The following ABR variants were observed in gnomAD, a reference collection of about 807,000 sequenced individuals.
ABR encodes active breakpoint cluster region-related protein.
In ABR, 35 loss-of-function variants were observed where a neutral mutation model predicts 107.2. The observed-to-expected ratio is 0.33, with a 90% CI of 0.25 to 0.43. ABR has a LOEUF of 0.43. Ranked by LOEUF, ABR falls within the 20% of genes least tolerant of loss-of-function variation. The pLI is 1.00. For missense variants in ABR, 815 were observed against 1,115.2 expected (o/e 0.73, Z 3.83); for synonymous variants, 498 against 462.0 (o/e 1.08, Z -1.00).
chr17:1,083,720 CCCT>C, intron 4 of ABR, 93 bp from the exon 5 acceptor site: 2 of 1,052,302 alleles, frequency 1.9e-6, no homozygotes, highest in Non-Finnish European at 2.9e-6. Context: ...CCGGGAGCTC[CCCT>C]GCACTGAAAA....
chr17:1,132,806 C>T (rs1017697376), intron 1 of ABR, among the ~76,000 whole-genome samples: 2 of 152,200 alleles, frequency 1.3e-5, no homozygotes, highest in Admixed American at 1.3e-4. Flanking sequence ...ATGTTAACCT[C>T]ATTTGTAATG....
intron 20 of ABR, chr17:1,009,995 A>G: frequency 1.7e-6 from 1 of 600,578 alleles, no homozygotes; most frequent in Non-Finnish European, 3.0e-6. Context: ...CTCAGCCAGG[A>G]GGCCGGCTGG....
In ABR at chr17:1,045,274, T is replaced by C. The variant is rs778567218; in HGVS notation, c.1791+4776A>G. 2.0e-5 allele frequency among the ~76,000 whole-genome samples: 3 copies of C among 152,240 alleles called. No individual in the cohort carries two copies. In the South Asian group the frequency reaches 6.2e-4, roughly 31 times the overall value. ...CACCTCCTCCTTGAAGCCTCCCTAA[T>C]TCCAGCCCATGGTGACCTTTCTGCC... On this transcript the variant is annotated intron_variant, in intron 16 of 22. Coordinates refer to ENST00000302538, the MANE Select transcript of ABR (RefSeq NM_021962.5).
At chr17:1,194,343 A>C (rs1158920163) in intron 1 of ABR, among the ~76,000 whole-genome samples, 2 of 151,274 alleles carry the variant, frequency 1.3e-5, no homozygotes, top group Non-Finnish European at 2.9e-5. Flanking sequence ...ACACGCCACC[A>C]CGCCCAGCTA....
chr17:1,221,952 GGA>G (rs2043127704), intron 1 of ABR, among the ~76,000 whole-genome samples: 1 of 152,198 alleles, frequency 6.6e-6, no homozygotes, highest in Non-Finnish European at 1.5e-5. Context: ...TTTATTACCT[GGA>G]GAGATTCAAA....
upstream of ABR, among the ~76,000 whole-genome samples, chr17:1,191,671 G>C (rs1256481953): frequency 1.3e-5 from 2 of 152,096 alleles, no homozygotes; most frequent in Non-Finnish European, 2.9e-5. Flanking sequence ...ATTCAATAGT[G>C]TCAGGGTTCT....
chr17:1,120,076 C>T (rs114163355), intron 2 of ABR, among the ~76,000 whole-genome samples: 258 of 152,036 alleles, frequency 1.7e-3, no homozygotes, highest in African/African-American at 5.9e-3. Flanking sequence ...AGGCAAATTA[C>T]GTCACCTCTC....
Position 1,031,744 on chromosome 17 carries a change from C to CG in ABR, c.1791+18305dup, listed in dbSNP as rs371587357. ...GGCTGGGGCAGGACGTCGGTCATGCCGGGGGGGACGGGACGCGGCGCTGGA... is the reference window on the plus strand; with the variant it reads ...GGCTGGGGCAGGACGTCGGTCATGCCGGGGGGGGACGGGACGCGGCGCTGGA... On this transcript the variant is annotated intron_variant, in intron 16 of 22. Coordinates refer to ENST00000302538, the MANE Select transcript of ABR (RefSeq NM_021962.5). The CG allele has an allele frequency of 1.3e-3, 1,643 of 1,235,798 alleles. 11 individuals carry two copies. The East Asian group carries it at 0.016, about 12-fold the overall frequency. The allele number at this position is 1,235,798 out of a possible 1,614,324, so 76.6% of individuals were successfully genotyped here.
chr17:1,188,367 G>A (rs182684205), upstream of ABR, among the ~76,000 whole-genome samples: 227 of 152,064 alleles, frequency 1.5e-3, no homozygotes, highest in Admixed American at 2.3e-3. Context: ...TGGCTAACAC[G>A]GTGAAACTCC....
chr17:1,124,239 G>A (rs568587723), intron 2 of ABR, among the ~76,000 whole-genome samples: 3 of 152,264 alleles, frequency 2.0e-5, no homozygotes, highest in Non-Finnish European at 2.9e-5. Context: ...AGCTGGGGTG[G>A]GGGGGCACTA....
At chr17:1,195,621 G>A (rs900158215) in intron 1 of ABR, among the ~76,000 whole-genome samples, 18 of 151,226 alleles carry the variant, frequency 1.2e-4, no homozygotes, top group Admixed American at 2.0e-4. Context: ...TGGCTAACAC[G>A]GTGAAACCCC....
chr17:1,012,139 GCACCC>G, intron 18 of ABR, 154 bp from the exon 19 acceptor site: 1 of 1,222,970 alleles, frequency 8.2e-7, no homozygotes, highest in Non-Finnish European at 1.2e-6. Flanking sequence ...AGAGGCCACC[GCACCC>G]CACCCCAGCC....
Position 1,051,384 on chromosome 17 carries a change from C to T in ABR, c.1562-750G>A, listed in dbSNP as rs896435005. 6.6e-5 allele frequency among the ~76,000 whole-genome samples: 10 copies of T among 152,158 alleles called. No homozygotes were observed. The highest frequency in any genetic ancestry group is 7.4e-5 in the Non-Finnish European group (5 of 68,020). On this transcript the variant is annotated intron_variant, in intron 14 of 22. Transcript: ENST00000302538. This position sits in a 1 kb window ranked among gnomAD's most constrained non-coding sequence, Gnocchi z 4.3. ...TGGCACACGGTGAACGAGGCTCCCA[C>T]CACCACCAAGCGCTCCAGGTAACAA...
intron 1 of ABR, among the ~76,000 whole-genome samples, chr17:1,218,604 T>C (rs1259993102): frequency 6.6e-6 from 1 of 152,204 alleles, no homozygotes; most frequent in South Asian, 2.1e-4. Context: ...AGAATGATCC[T>C]TAGTCTCATG....
chr17:1,056,148 GC>G, intron 13 of ABR, 39 bp from the exon 14 acceptor site: 2 of 1,587,286 alleles, frequency 1.3e-6, no homozygotes, highest in Non-Finnish European at 1.7e-6. Context: ...AGGGTGGTCA[GC>G]GGATCCCCTC....
chr17:1,148,281 A>G lies in ABR; in HGVS notation c.62-22914T>C, dbSNP rs2040638030. On this transcript the variant is annotated intron_variant, in intron 1 of 22. Coordinates refer to ENST00000302538, the MANE Select transcript of ABR (RefSeq NM_021962.5). The surrounding 1 kb of genome is among the most constrained non-coding windows in gnomAD (Gnocchi z 4.9). ...TCGGCTTATATTCCGACACAGGCCA[A>G]TTCTGACATCGATGAACCTTGGGGG... Among the ~76,000 whole-genome samples, 1 of 152,242 alleles carries G rather than the reference A, an allele frequency of 6.6e-6. No individual in the cohort carries two copies. Among genetic ancestry groups the G allele is most frequent in the Non-Finnish European group, 1.5e-5 (1 of 68,050 alleles).
At chr17:1,029,598 T>A (rs1196722099) in intron 16 of ABR, among the ~76,000 whole-genome samples, 15 of 152,138 alleles carry the variant, frequency 9.9e-5, no homozygotes. Context: ...GTCTGGGCAG[T>A]ACCAGGCACC....
At chr17:1,073,374 G>A (rs2035411140) in intron 7 of ABR, among the ~76,000 whole-genome samples, 1 of 152,076 alleles carries the variant, frequency 6.6e-6, no homozygotes, top group East Asian at 1.9e-4. Flanking sequence ...AGACCAGGAG[G>A]CAGCGGGTGG....
intron 1 of ABR, among the ~76,000 whole-genome samples, chr17:1,175,563 C>T (rs919155392): frequency 1.3e-5 from 2 of 152,210 alleles, no homozygotes; most frequent in Non-Finnish European, 2.9e-5. Flanking sequence ...ATCTGTCACT[C>T]CACAGGGAAA....
Sources: gnomAD v4.1 joint callset for allele counts (sites outside exome capture counted in the v4.1 genomes callset) on GRCh38, gnomAD v4.1.1 for gene constraint, Gnocchi (gnomAD v3.1) non-coding constraint, MANE v1.5 for transcripts, NCBI Gene and HGNC (gene_info 2026-07-23, HGNC 2026-07-21) for gene names.